Variants in WDFY2 observed in about 807,000 individuals in gnomAD.
WDFY2 encodes WD repeat and FYVE domain containing 2, also known as WD repeat and FYVE domain-containing protein 2.
A neutral mutation model predicts 56.4 loss-of-function variants in WDFY2; 36 were observed. The observed-to-expected ratio is 0.64, with a 90% CI of 0.49 to 0.84. The LOEUF is 0.84. Among genes scored for constraint, WDFY2 ranks in the 40% least tolerant of loss-of-function variants. The pLI, the probability that WDFY2 is intolerant of heterozygous loss-of-function variation, is 0.00. For synonymous variants in WDFY2, 176 were observed against 183.7 expected, an observed-to-expected ratio of 0.96 and a Z score of 0.34; for missense variants, 444 against 512.2, an observed-to-expected ratio of 0.87 and a Z score of 1.29.
intron 6 of WDFY2, among the ~76,000 whole-genome samples, chr13:51,736,677 G>C (rs373506571): frequency 3.2e-4 from 49 of 152,320 alleles, no homozygotes; most frequent in African/African-American, 1.1e-3. Flanking sequence ...ATTTTTAGTA[G>C]AGATGGGGTT....
At position 51,584,568 on chromosome 13, in the gene WDFY2, G is replaced by A. The variant is rs1443567752; in HGVS notation, c.-120G>A. The A allele has an allele frequency of 1.5e-6, 2 of 1,358,374 alleles. No homozygotes were observed. Among genetic ancestry groups the A allele is most frequent in the Admixed American group, 5.7e-5 (2 of 35,110 alleles). 84.1% of individuals were successfully genotyped at this position (1,358,374 alleles called of 1,614,324 possible). On this transcript the variant is annotated 5_prime_UTR_variant, in exon 1 of 12. Coordinates refer to ENST00000298125, the MANE Select transcript of WDFY2 (RefSeq NM_052950.4). ...GGCCAGGCTATGCTCGCCGGTTTCC[G>A]GCGTTCCGCTCCGGCCAGCCAGAGT...
rs965049699 is a variant in WDFY2 at position 51,767,406 on chromosome 13, G to A, written c.*7637G>A. 6.6e-6 allele frequency: 1 copy of A among 152,270 alleles called. No homozygotes were observed. Among genetic ancestry groups the A allele is most frequent in the African/African-American group, 2.4e-5 (1 of 41,478 alleles). 9.4% of individuals were successfully genotyped at this position (152,270 alleles called of 1,614,324 possible). On this transcript the variant is annotated 3_prime_UTR_variant, in exon 12 of 12. Coordinates refer to ENST00000298125, the MANE Select transcript of WDFY2 (RefSeq NM_052950.4). ...AATCCCTTCCTTGTGGTCCTTGGCT[G>A]ATGATGAGCCCTGGATCAGAGTGTC... is the stretch of plus-strand genomic sequence containing the variant.
chr13:51,606,900 A>T (rs980421246), intron 1 of WDFY2, among the ~76,000 whole-genome samples: 1 of 152,192 alleles, frequency 6.6e-6, no homozygotes, highest in Non-Finnish European at 1.5e-5. Flanking sequence ...TTGAATGGAC[A>T]AGATAATTTA....
At chr13:51,691,140 G>A (rs1956147765) in intron 3 of WDFY2, among the ~76,000 whole-genome samples, 1 of 152,126 alleles carries the variant, frequency 6.6e-6, no homozygotes, top group South Asian at 2.1e-4. Flanking sequence ...CTCCCATTTT[G>A]TAGGTTGCCT....
chr13:51,684,481 C>T (rs1223489383), intron 3 of WDFY2, among the ~76,000 whole-genome samples: 2 of 151,814 alleles, frequency 1.3e-5, no homozygotes, highest in Non-Finnish European at 2.9e-5. Flanking sequence ...TTCTGCCCTC[C>T]TGCTGCTTAC....
rs545203185 is a variant in WDFY2, at chr13:51,756,183, A to G, written c.934-149A>G. 29 of 1,147,952 alleles carry G rather than the reference A, an allele frequency of 2.5e-5. No individual in the cohort carries two copies. In the East Asian group the frequency reaches 6.8e-4, roughly 27 times the overall value. The allele number at this position is 1,147,952 out of a possible 1,614,324, so 71.1% of individuals were successfully genotyped here. A position where few individuals can be genotyped will look rare whatever the true frequency, so the allele number is the denominator to read the frequency against. On this transcript the variant is annotated intron_variant, in intron 9 of 11. Coordinates refer to ENST00000298125, the MANE Select transcript of WDFY2 (RefSeq NM_052950.4). ...CAGAGCCCCAGAGAAGAACACATCC[A>G]ATGTGTTCCCTTTAGTTCTGGGGCT...
intron 1 of WDFY2, among the ~76,000 whole-genome samples, chr13:51,620,323 G>A (rs1285612383): frequency 6.6e-6 from 1 of 152,092 alleles, no homozygotes; most frequent in East Asian, 1.9e-4. Context: ...CTGGCCTGTT[G>A]CCTGGACTGG....
chr13:51,669,558 C>T (rs541074971), intron 2 of WDFY2, among the ~76,000 whole-genome samples: 3 of 151,608 alleles, frequency 2.0e-5, no homozygotes, highest in Non-Finnish European at 1.5e-5. Context: ...GTCATTAGTC[C>T]GAGACAGAAA....
chr13:51,756,533 C>T (rs1035625166), intron 10 of WDFY2, 71 bp downstream of exon 10: 8 of 1,524,052 alleles, frequency 5.2e-6, no homozygotes, highest in East Asian at 2.3e-5. Context: ...CACTCAGCGC[C>T]GCAACCATCA....
intron 5 of WDFY2, among the ~76,000 whole-genome samples, chr13:51,721,707 G>A (rs184864964): frequency 7.9e-5 from 12 of 152,140 alleles, no homozygotes; most frequent in Admixed American, 2.0e-4. Flanking sequence ...CCTCCCAGAA[G>A]ATTCCCTGAC....
chr13:51,588,981 C>T (rs1397076922), intron 1 of WDFY2: 1 of 152,210 alleles, frequency 6.6e-6, no homozygotes, highest in Non-Finnish European at 1.5e-5. Context: ...AACTGCCTTT[C>T]TATATTCTGA....
chr13:51,597,710 C>G (rs908599271), intron 1 of WDFY2, among the ~76,000 whole-genome samples: 1 of 152,038 alleles, frequency 6.6e-6, no homozygotes, highest in Non-Finnish European at 1.5e-5. Context: ...GAGATTGCAA[C>G]AATTTGAAAT....
intron 1 of WDFY2, among the ~76,000 whole-genome samples, chr13:51,660,295 CA>C (rs1955586832): frequency 6.6e-6 from 1 of 151,614 alleles, no homozygotes; most frequent in Non-Finnish European, 1.5e-5. Flanking sequence ...CTCTGGTGTT[CA>C]AGTGATTCTC....
chr13:51,652,801 T>A (rs1288499929), intron 1 of WDFY2, among the ~76,000 whole-genome samples: 1 of 152,236 alleles, frequency 6.6e-6, no homozygotes, highest in Admixed American at 6.5e-5. Context: ...CTTCCCTTTG[T>A]GAGTAACCCG....
chr13:51,655,544 A>C (rs781718073), intron 1 of WDFY2, among the ~76,000 whole-genome samples: 2 of 152,106 alleles, frequency 1.3e-5, no homozygotes, highest in Non-Finnish European at 2.9e-5. Flanking sequence ...AATCACACTC[A>C]GTCATGGTAT....
chr13:51,611,118 G>A (rs1169782028), intron 1 of WDFY2, among the ~76,000 whole-genome samples: 1 of 152,200 alleles, frequency 6.6e-6, no homozygotes, highest in Non-Finnish European at 1.5e-5. Flanking sequence ...GCAGTTAAGT[G>A]TACAGTGTAA....
At chr13:51,657,190 A>G (rs575340635) in intron 1 of WDFY2, among the ~76,000 whole-genome samples, 2 of 152,206 alleles carry the variant, frequency 1.3e-5, no homozygotes, top group East Asian at 3.9e-4. Flanking sequence ...ACTAGTGTAC[A>G]TTAACTCTGC....
At chr13:51,717,019 A>T (rs1952368765) in intron 4 of WDFY2, among the ~76,000 whole-genome samples, 1 of 152,216 alleles carries the variant, frequency 6.6e-6, no homozygotes, top group East Asian at 1.9e-4. Context: ...ACTAGAGGGG[A>T]GCTTCTTCAA....
intron 3 of WDFY2, among the ~76,000 whole-genome samples, chr13:51,690,943 C>T (rs993344181): frequency 3.3e-4 from 50 of 152,250 alleles, no homozygotes; most frequent in Middle Eastern, 3.4e-3. Context: ...TCTCTGATGG[C>T]CAGTGATGGT....
Sources: gnomAD v4.1 joint callset for allele counts (sites outside exome capture counted in the v4.1 genomes callset) on GRCh38, gnomAD v4.1.1 for gene constraint, MANE v1.5 for transcripts, NCBI Gene and HGNC (gene_info 2026-07-23, HGNC 2026-07-21) for gene names.